The following WDPCP variants were observed in gnomAD, a reference collection of about 807,000 sequenced individuals.
WDPCP encodes the protein WD repeat-containing and planar cell polarity effector protein fritz homolog.
WDPCP carries 71 observed loss-of-function variants against 93.1 expected under a neutral mutation model. The ratio of observed to expected loss-of-function variants is 0.76; its 90% confidence interval spans 0.63 to 0.93. The LOEUF (loss-of-function observed/expected upper bound fraction) is 0.93, where lower values mean the gene tolerates loss of function less well. Among genes scored for constraint, WDPCP ranks in the 40% least tolerant of loss-of-function variants. The probability of loss-of-function intolerance (pLI) is 0.00; values close to 1 mark genes in which losing one functional copy is unlikely to be tolerated. For synonymous variants in WDPCP, 315 were observed against 315.0 expected (o/e 1.00, Z 0.00); for missense variants, 844 against 887.4 (o/e 0.95, Z 0.62).
At chr2:63,283,783 G>T (rs1683758745) in intron 13 of WDPCP, among the ~76,000 whole-genome samples, 1 of 152,146 alleles carries the variant, frequency 6.6e-6, no homozygotes, top group East Asian at 1.9e-4. Flanking sequence ...CCGTATCACT[G>T]GCACTAAGGT....
chr2:63,655,282 C>T (rs959316565), intron 2 of WDPCP, among the ~76,000 whole-genome samples: 6 of 152,232 alleles, frequency 3.9e-5, no homozygotes, highest in Admixed American at 6.5e-5. Flanking sequence ...GCTCTCTCTT[C>T]GTATTACCCC....
At chr2:63,460,500 A>C (rs1035529700) in intron 6 of WDPCP, among the ~76,000 whole-genome samples, 9 of 152,210 alleles carry the variant, frequency 5.9e-5, no homozygotes, top group African/African-American at 1.4e-4. Context: ...ACATGTAAAA[A>C]TACTACCCAC....
chr2:63,589,332 G>T (rs1260314028), upstream of WDPCP: 2 of 1,550,654 alleles, frequency 1.3e-6, no homozygotes, highest in Non-Finnish European at 1.7e-6. Flanking sequence ...GACAAAATGC[G>T]ACGCTGCAGC....
chr2:63,399,414 G>C (rs1342740019), intron 10 of WDPCP, among the ~76,000 whole-genome samples: 1 of 152,092 alleles, frequency 6.6e-6, no homozygotes, highest in Non-Finnish European at 1.5e-5. Flanking sequence ...GTTTACTTTA[G>C]TAAGAAGGCA....
At chr2:63,484,172 A>G (rs535538922) in intron 6 of WDPCP, among the ~76,000 whole-genome samples, 2 of 151,978 alleles carry the variant, frequency 1.3e-5, no homozygotes, top group South Asian at 2.1e-4. Flanking sequence ...TCTTGTTATG[A>G]TAGGTCTAAC....
intron 1 of WDPCP, among the ~76,000 whole-genome samples, chr2:63,587,328 T>G (rs1708924603): frequency 6.6e-6 from 1 of 152,090 alleles, no homozygotes; most frequent in Admixed American, 6.5e-5. Context: ...TCCGCAGAAC[T>G]GAGAACCAGT....
intron 3 of WDPCP, among the ~76,000 whole-genome samples, chr2:63,609,009 T>C (rs1278903678): frequency 6.6e-6 from 1 of 152,194 alleles, no homozygotes; most frequent in Admixed American, 6.5e-5. Flanking sequence ...CCCTTCTATA[T>C]TCTCGTGACA....
chr2:63,448,731 GACAT>G (rs1698031688), intron 6 of WDPCP, among the ~76,000 whole-genome samples: 1 of 152,138 alleles, frequency 6.6e-6, no homozygotes, highest in African/African-American at 2.4e-5. Flanking sequence ...GAACCTGTGG[GACAT>G]TATGCTAAGG....
intron 13 of WDPCP, among the ~76,000 whole-genome samples, chr2:63,290,489 T>TC (rs66499211): frequency 0.81 from 123,115 of 151,996 alleles, 50,657 homozygotes; most frequent in East Asian, 0.96. Flanking sequence ...TTAATATTAG[T>TC]CACATGCTTA....
intron 1 of WDPCP, among the ~76,000 whole-genome samples, chr2:63,567,678 T>C (rs1400144206): frequency 6.6e-6 from 1 of 152,198 alleles, no homozygotes; most frequent in East Asian, 1.9e-4. Context: ...CTTGTTTTTT[T>C]CCCCTTCATA....
chr2:63,767,214 G>A (rs1670154709), intron 2 of WDPCP, among the ~76,000 whole-genome samples: 1 of 152,052 alleles, frequency 6.6e-6, no homozygotes, highest in Non-Finnish European at 1.5e-5. Flanking sequence ...ATAGTGCATT[G>A]TATATATACT....
intron 1 of WDPCP, among the ~76,000 whole-genome samples, chr2:63,573,663 G>A (rs1363669767): frequency 6.6e-6 from 1 of 152,034 alleles, no homozygotes; most frequent in Non-Finnish European, 1.5e-5. Context: ...TGAAATCTGG[G>A]CACCTTGAAA....
intron 14 of WDPCP, among the ~76,000 whole-genome samples, chr2:63,211,550 T>G (rs1028230263): frequency 6.6e-6 from 1 of 152,096 alleles, no homozygotes; most frequent in Non-Finnish European, 1.5e-5. Context: ...AAAATCAGAG[T>G]GCCTCTTCTC....
chr2:63,132,309 CTTG>C (rs1670341380), intron 17 of WDPCP, among the ~76,000 whole-genome samples: 1 of 151,580 alleles, frequency 6.6e-6, no homozygotes, highest in Non-Finnish European at 1.5e-5. Flanking sequence ...TGTAATGTGT[CTTG>C]TTGTATGTCT....
chr2:63,252,832 C>T (rs1297736266), intron 14 of WDPCP, among the ~76,000 whole-genome samples: 3 of 152,184 alleles, frequency 2.0e-5, no homozygotes, highest in Non-Finnish European at 2.9e-5. Context: ...AATGTCCATA[C>T]TGCCCAAAGC....
intron 13 of WDPCP, among the ~76,000 whole-genome samples, chr2:63,291,243 C>T (rs879517017): frequency 5.3e-5 from 8 of 152,210 alleles, no homozygotes; most frequent in Non-Finnish European, 1.0e-4. Flanking sequence ...GAATCCCTAT[C>T]TTTTCAATCA....
chr2:63,488,552 G>T (rs1329142678), intron 2 of WDPCP, among the ~76,000 whole-genome samples: 1 of 151,834 alleles, frequency 6.6e-6, no homozygotes, highest in Non-Finnish European at 1.5e-5. Flanking sequence ...ATCATGAGTA[G>T]GACTTCTTGG....
At chr2:63,548,164 A>G (rs1459651656) in intron 1 of WDPCP, among the ~76,000 whole-genome samples, 1 of 152,160 alleles carries the variant, frequency 6.6e-6, no homozygotes, top group East Asian at 1.9e-4. Context: ...TAAGTATTAC[A>G]TAATACTTAT....
At chr2:63,250,882 T>G (rs1680655467) in intron 14 of WDPCP, among the ~76,000 whole-genome samples, 2 of 152,214 alleles carry the variant, frequency 1.3e-5, no homozygotes, top group Non-Finnish European at 2.9e-5. Flanking sequence ...CATAGAAAAC[T>G]GATTAGAATT....
Sources: gnomAD v4.1 joint callset for allele counts (sites outside exome capture counted in the v4.1 genomes callset) on GRCh38, gnomAD v4.1.1 for gene constraint, MANE v1.5 for transcripts, NCBI Gene and HGNC (gene_info 2026-07-23, HGNC 2026-07-21) for gene names.